LRP1B: variants seen among roughly 807,000 people sequenced by gnomAD.
The protein encoded by LRP1B is low-density lipoprotein receptor-related protein 1B.
Under a neutral mutation model 556.6 loss-of-function variants are expected in LRP1B, and 217 were observed. That is an observed-to-expected ratio of 0.39 (90% CI 0.35 to 0.44). The LOEUF is 0.44. LRP1B is among the 20% of genes least tolerant of loss of function. The pLI, the probability that LRP1B is intolerant of heterozygous loss-of-function variation, is 1.00. For missense variants in LRP1B, 5,053 were observed against 5,620.8 expected, an observed-to-expected ratio of 0.90 and a Z score of 3.23; for synonymous variants, 2,047 against 1,865.8, an observed-to-expected ratio of 1.10 and a Z score of -2.50.
intron 1 of LRP1B, among the ~76,000 whole-genome samples, chr2:142,071,711 A>G (rs1003815276): frequency 6.6e-6 from 1 of 151,908 alleles, no homozygotes; most frequent in Non-Finnish European, 1.5e-5. Context: ...TTCCTCACAC[A>G]TAAAGTTAGG....
At chr2:140,801,485 G>A (rs983360900) in intron 32 of LRP1B, among the ~76,000 whole-genome samples, 2 of 152,118 alleles carry the variant, frequency 1.3e-5, no homozygotes, top group Admixed American at 1.3e-4. Flanking sequence ...GAAGAGTTAC[G>A]GGAGCAAGGC....
chr2:140,549,039 A>T (rs1680450576), intron 43 of LRP1B, among the ~76,000 whole-genome samples: 1 of 152,206 alleles, frequency 6.6e-6, no homozygotes, highest in Admixed American at 6.5e-5. Context: ...ATTCTAAATT[A>T]ACTGCTAATT....
chr2:140,726,035 G>A (rs148643367), intron 35 of LRP1B, among the ~76,000 whole-genome samples: 77 of 152,248 alleles, frequency 5.1e-4, no homozygotes, highest in African/African-American at 1.8e-3. Context: ...ACTTAGTCAC[G>A]AGTAGGGTGC....
chr2:141,819,266 A>C (rs904988857), intron 1 of LRP1B, among the ~76,000 whole-genome samples: 2 of 152,040 alleles, frequency 1.3e-5, no homozygotes, highest in Non-Finnish European at 1.5e-5. Context: ...CAAAAAAAAA[A>C]ACAAAAAACT....
intron 32 of LRP1B, among the ~76,000 whole-genome samples, chr2:140,806,655 A>G (rs1166468013): frequency 6.6e-6 from 1 of 152,204 alleles, no homozygotes; most frequent in Non-Finnish European, 1.5e-5. Flanking sequence ...CTGACCATTA[A>G]GTACATAATT....
intron 3 of LRP1B, among the ~76,000 whole-genome samples, chr2:141,416,251 C>A (rs1203950685): frequency 6.6e-6 from 1 of 152,050 alleles, no homozygotes; most frequent in Non-Finnish European, 1.5e-5. Context: ...ATGAGGTTGC[C>A]TGAGGTAAGA....
At chr2:141,268,764 T>G (rs56025738) in intron 3 of LRP1B, among the ~76,000 whole-genome samples, 17,228 of 152,056 alleles carry the variant, frequency 0.11, 1,268 homozygotes, top group East Asian at 0.29. Flanking sequence ...CTGAAGAGAC[T>G]GAACTAGATA....
intron 3 of LRP1B, among the ~76,000 whole-genome samples, chr2:141,271,941 C>T (rs897570856): frequency 5.9e-5 from 9 of 151,810 alleles, no homozygotes; most frequent in African/African-American, 2.2e-4. Flanking sequence ...CCAATAATAG[C>T]ACAAAGGAGA....
At chr2:140,383,799 C>T (rs1037378709) in intron 67 of LRP1B, among the ~76,000 whole-genome samples, 4 of 152,092 alleles carry the variant, frequency 2.6e-5, no homozygotes, top group African/African-American at 7.2e-5. Context: ...TTGTCTTAGT[C>T]GACAAGCTCA....
chr2:141,907,021 A>C (rs1286475457), intron 1 of LRP1B, among the ~76,000 whole-genome samples: 1 of 151,956 alleles, frequency 6.6e-6, no homozygotes, highest in Non-Finnish European at 1.5e-5. Context: ...GTATTTATAG[A>C]GGGATGTGTG....
intron 3 of LRP1B, among the ~76,000 whole-genome samples, chr2:141,392,325 T>C (rs1292977732): frequency 2.0e-5 from 3 of 151,802 alleles, no homozygotes; most frequent in Non-Finnish European, 1.5e-5. Context: ...AAGAGTAAAG[T>C]GCTATTTTGA....
chr2:140,658,666 T>C (rs115436446), intron 41 of LRP1B, among the ~76,000 whole-genome samples: 2,186 of 152,144 alleles, frequency 0.014, 55 homozygotes, highest in African/African-American at 0.048. Context: ...ATCAAATGTT[T>C]TTAACGCAAT....
Position 141,996,899 on chromosome 2 carries a change from A to G in LRP1B, c.82+133749T>C, listed in dbSNP as rs541692519. ...AACCCTTCAGCTCTTTGCTATCTTG[A>G]CTCATAAATAATTGTTTTTCTTGAG... On this transcript the variant is annotated intron_variant, in intron 1 of 90. Coordinates refer to ENST00000389484, the MANE Select transcript of LRP1B (RefSeq NM_018557.3). Among the ~76,000 whole-genome samples, 4 of 152,238 alleles carry G rather than the reference A, an allele frequency of 2.6e-5. No homozygotes were observed. The South Asian group carries it at 8.3e-4, about 32-fold the overall frequency.
At chr2:141,031,335 CTT>C (rs1333755048) in intron 11 of LRP1B, among the ~76,000 whole-genome samples, 58 of 150,400 alleles carry the variant, frequency 3.9e-4, no homozygotes, top group African/African-American at 1.4e-3. Flanking sequence ...TGCACTAAAA[CTT>C]ATATCAGAAT....
intron 41 of LRP1B, among the ~76,000 whole-genome samples, chr2:140,621,384 CA>C (rs61045975): frequency 6.2e-4 from 66 of 106,946 alleles, no homozygotes; most frequent in Non-Finnish European, 5.7e-4. Context: ...GACTCTGTCT[CA>C]AAAAAAAAAA....
At chr2:140,880,024 T>G (rs1195502468) in intron 25 of LRP1B, among the ~76,000 whole-genome samples, 1 of 152,086 alleles carries the variant, frequency 6.6e-6, no homozygotes, top group Non-Finnish European at 1.5e-5. Context: ...TAGTTCCATT[T>G]AAGAATATTC....
chr2:142,092,908 T>C (rs964281840), intron 1 of LRP1B, among the ~76,000 whole-genome samples: 6 of 152,126 alleles, frequency 3.9e-5, no homozygotes, highest in African/African-American at 1.4e-4. Context: ...TTCTTCAAAA[T>C]ATGTGTAACA....
chr2:141,497,747 A>T (rs13023434), intron 2 of LRP1B, among the ~76,000 whole-genome samples: 59,326 of 151,818 alleles, frequency 0.39, 12,292 homozygotes, highest in East Asian at 0.64. Context: ...CTATGATGAT[A>T]AATTACAAAA....
chr2:140,592,253 C>G (rs62171948), intron 43 of LRP1B, among the ~76,000 whole-genome samples: 22,594 of 151,954 alleles, frequency 0.15, 2,214 homozygotes, highest in South Asian at 0.28. Flanking sequence ...ATCACTGGCT[C>G]TAATAGAGAG....
Sources: allele counts gnomAD v4.1 joint callset (sites outside exome capture counted in the v4.1 genomes callset), GRCh38; gene constraint gnomAD v4.1.1; transcripts MANE v1.5; gene names NCBI Gene and HGNC (gene_info 2026-07-23, HGNC 2026-07-21).